Variants in ITPR2 observed in about 807,000 individuals in gnomAD.
The protein encoded by ITPR2 is inositol 1,4,5-trisphosphate-gated calcium channel ITPR2.
Under a neutral mutation model 317.1 loss-of-function variants are expected in ITPR2, and 207 were observed. That is an observed-to-expected ratio of 0.65 (90% CI 0.58 to 0.73). The LOEUF (loss-of-function observed/expected upper bound fraction) is 0.73, where lower values mean the gene tolerates loss of function less well. Among genes scored for constraint, ITPR2 ranks in the 30% least tolerant of loss-of-function variants. The pLI is 0.00. For missense variants in ITPR2, 2,613 were observed against 3,284.0 expected, an observed-to-expected ratio of 0.80 and a Z score of 4.99; for synonymous variants, 1,156 against 1,149.1, an observed-to-expected ratio of 1.01 and a Z score of -0.12.
intron 37 of ITPR2, among the ~76,000 whole-genome samples, chr12:26,543,392 GAA>G: frequency 6.6e-6 from 1 of 152,116 alleles, no homozygotes; most frequent in African/African-American, 2.4e-5. Flanking sequence ...AGAGACAGGG[GAA>G]GAGAGAGAGA....
In ITPR2 at chr12:26,704,710, C is replaced by T. The variant is rs183000675; in HGVS notation, c.951+6463G>A. 5.0e-3 allele frequency among the ~76,000 whole-genome samples: 764 copies of T among 152,272 alleles called. 5 individuals carry two copies. Among genetic ancestry groups the T allele is most frequent in the African/African-American group, 0.017 (695 of 41,550 alleles). On this transcript the variant is annotated intron_variant, in intron 9 of 56. Transcript: ENST00000381340. ...CTCTCATGTACAAGGTGCTGTACAT[C>T]CCCTATCTTCTTTAATTCCAGAATA...
intron 55 of ITPR2, among the ~76,000 whole-genome samples, chr12:26,376,812 TC>T (rs1320049142): frequency 6.6e-6 from 1 of 152,048 alleles, no homozygotes; most frequent in South Asian, 2.1e-4. Flanking sequence ...GACTGCAACC[TC>T]CACTTCCTGT....
chr12:26,763,927 C>T (rs80322210), intron 2 of ITPR2, among the ~76,000 whole-genome samples: 120 of 152,166 alleles, frequency 7.9e-4, no homozygotes, highest in Non-Finnish European at 1.4e-3. Flanking sequence ...TTTAGTGAAA[C>T]GAACAGGTCT....
intron 2 of ITPR2, among the ~76,000 whole-genome samples, chr12:26,763,122 T>C (rs1034772491): frequency 6.6e-6 from 1 of 152,150 alleles, no homozygotes. Context: ...TTAAATGTTC[T>C]CACTACAATA....
At chr12:26,566,822 A>AC (rs1944997896) in intron 34 of ITPR2, among the ~76,000 whole-genome samples, 1 of 152,150 alleles carries the variant, frequency 6.6e-6, no homozygotes, top group Admixed American at 6.5e-5. Context: ...CAGCAGTGCA[A>AC]CTGCACTTCT....
At chr12:26,819,575 G>T (rs1280589532) in intron 1 of ITPR2, among the ~76,000 whole-genome samples, 1 of 152,018 alleles carries the variant, frequency 6.6e-6, no homozygotes, top group Non-Finnish European at 1.5e-5. Context: ...AAATTTTTCT[G>T]TCAATAGCAG....
chr12:26,366,036 T>A (rs1938998260), intron 55 of ITPR2, among the ~76,000 whole-genome samples: 1 of 152,160 alleles, frequency 6.6e-6, no homozygotes, highest in Non-Finnish European at 1.5e-5. Flanking sequence ...AAACCTCTTC[T>A]GCTTGCTGAC....
intron 55 of ITPR2, among the ~76,000 whole-genome samples, chr12:26,380,891 C>T (rs955245400): frequency 2.6e-5 from 4 of 152,180 alleles, no homozygotes; most frequent in Admixed American, 2.0e-4. Context: ...CTTTCCCCTC[C>T]TTATGTGGCT....
intron 30 of ITPR2, among the ~76,000 whole-genome samples, chr12:26,598,059 G>A (rs1405588444): frequency 6.6e-6 from 1 of 152,160 alleles, no homozygotes; most frequent in Non-Finnish European, 1.5e-5. Flanking sequence ...TCACCCAACA[G>A]TATCATAGGG....
chr12:26,476,313 T>G (rs1043667979), intron 44 of ITPR2, among the ~76,000 whole-genome samples: 4 of 152,220 alleles, frequency 2.6e-5, no homozygotes, highest in Non-Finnish European at 5.9e-5. Flanking sequence ...GAGTACATTC[T>G]CAATGCTTTT....
At chr12:26,417,330 C>T (rs1940750529) in intron 50 of ITPR2, among the ~76,000 whole-genome samples, 2 of 152,110 alleles carry the variant, frequency 1.3e-5, no homozygotes, top group South Asian at 4.1e-4. Context: ...TTAATAAAAA[C>T]ATAAACATGT....
chr12:26,470,621 T>C (rs1942272981), intron 45 of ITPR2, among the ~76,000 whole-genome samples: 1 of 152,242 alleles, frequency 6.6e-6, no homozygotes, highest in Admixed American at 6.5e-5. Flanking sequence ...ATCTATCATA[T>C]GTTAATTCAC....
chr12:26,543,024 A>G (rs1399182464), intron 37 of ITPR2, among the ~76,000 whole-genome samples: 2 of 152,194 alleles, frequency 1.3e-5, no homozygotes, highest in African/African-American at 4.8e-5. Flanking sequence ...CATGATTTAT[A>G]TATGTTTTTC....
In ITPR2 at chr12:26,481,131, C is replaced by T. The variant is rs1942536910; in HGVS notation, c.6123G>A (p.Lys2041=). 2 of 1,589,802 alleles carry T rather than the reference C, an allele frequency of 1.3e-6. No homozygotes were observed. The highest frequency in any genetic ancestry group is 1.7e-6 in the Non-Finnish European group (2 of 1,158,052). The part of the protein sequence containing the change: ...KYRMDLVLQL[K]NNASKLLLAI... ...GGCCTGAACAGTGGAATCGCTCTAC[C>T]TTTAGCTGGAGCACCAGGTCCATTC... The change falls in exon 43 of 57, where the codon AAG becomes AAA. Residue 2041 remains lysine (K), a splice_region_variant and synonymous_variant. Transcript: ENST00000381340.
chr12:26,512,496 G>C (rs6487557), intron 37 of ITPR2, among the ~76,000 whole-genome samples: 7 of 152,130 alleles, frequency 4.6e-5, no homozygotes, highest in Non-Finnish European at 7.4e-5. Context: ...ATCGTGTATC[G>C]AGTGAAAGGC....
intron 42 of ITPR2, among the ~76,000 whole-genome samples, chr12:26,481,975 C>A (rs1942553633): frequency 6.6e-6 from 1 of 152,156 alleles, no homozygotes; most frequent in South Asian, 2.1e-4. Flanking sequence ...GGTCTTAAAT[C>A]AGGAACTTGC....
At chr12:26,713,027 G>A (rs11608432) in intron 8 of ITPR2, among the ~76,000 whole-genome samples, 25,067 of 152,194 alleles carry the variant, frequency 0.16, 2,851 homozygotes, top group Non-Finnish European at 0.25. Context: ...GGACATTCCC[G>A]TTAGAATGGA....
intron 9 of ITPR2, among the ~76,000 whole-genome samples, chr12:26,706,954 G>A (rs1178869252): frequency 5.3e-5 from 8 of 152,142 alleles, no homozygotes; most frequent in Non-Finnish European, 8.8e-5. Flanking sequence ...ACACAGGACC[G>A]CCCTTTTATT....
chr12:26,784,406 G>A (rs1359950452), intron 2 of ITPR2, among the ~76,000 whole-genome samples: 1 of 147,148 alleles, frequency 6.8e-6, no homozygotes, highest in Non-Finnish European at 1.5e-5. Context: ...GCCGAGCCAA[G>A]GCTGGACGGT....
Sources: gnomAD v4.1 joint callset for allele counts (sites outside exome capture counted in the v4.1 genomes callset) on GRCh38, gnomAD v4.1.1 for gene constraint, MANE v1.5 for transcripts, NCBI Gene and HGNC (gene_info 2026-07-23, HGNC 2026-07-21) for gene names.